Variants in TPM4 observed in about 807,000 individuals in gnomAD.
TPM4 encodes the protein tropomyosin 4.
In TPM4, 17 loss-of-function variants were observed where a neutral mutation model predicts 35.8. The observed-to-expected ratio is 0.47, with a 90% CI of 0.32 to 0.71. The LOEUF is 0.71. Ranked by LOEUF, TPM4 falls within the 30% of genes least tolerant of loss-of-function variation. The pLI is 0.03. For synonymous variants in TPM4, 120 were observed against 122.9 expected (o/e 0.98, Z 0.15); for missense variants, 240 against 320.9 (o/e 0.75, Z 1.93).
At position 16,095,420 on chromosome 19, in the gene TPM4, C is replaced by T. The variant is rs533509370; in HGVS notation, c.664+1667C>T. 1.7e-5 allele frequency: 18 copies of T among 1,030,114 alleles called. No homozygotes were observed. The East Asian group carries it at 8.5e-4, about 49-fold the overall frequency. The allele number at this position is 1,030,114 out of a possible 1,614,324, so 63.8% of individuals were successfully genotyped here. On this transcript the variant is annotated intron_variant, in intron 7 of 7. Transcript: ENST00000643579. Reference sequence around the variant, plus strand: ...CGCCCCTGTGGGCTTCTAGGAGCTCCGGTGGCCTGCCTTCTGGTTTGAACG... The same window carrying T: ...CGCCCCTGTGGGCTTCTAGGAGCTCTGGTGGCCTGCCTTCTGGTTTGAACG...
At chr19:16,082,713 C>T (rs78456680) in intron 2 of TPM4, among the ~76,000 whole-genome samples, 2,840 of 152,084 alleles carry the variant, frequency 0.019, 84 homozygotes, top group African/African-American at 0.065. Flanking sequence ...TCAGGTAGGC[C>T]GGATGCAGTG....
At chr19:16,099,630 T>A (rs2090741499) in intron 7 of TPM4, 1 of 152,128 alleles carries the variant, frequency 6.6e-6, no homozygotes, top group Admixed American at 6.6e-5. Context: ...GTCATTTTTT[T>A]CTTTCTGTAA....
Position 16,088,089 on chromosome 19 carries a change from G to T in TPM4, c.447G>T (p.Val149=), listed in dbSNP as rs1269340188. The change falls in exon 4 of 8, where the codon GTG becomes GTT. Residue 149 remains valine, a synonymous_variant. Transcript: ENST00000643579. ...ELERAEERAE[V]SELKCGDLEE... Reference sequence around the variant, plus strand: ...AGAGGGCAGAGGAGCGTGCGGAGGTGTCTGAACTGTGAGTGGCAGAACAGG... The same window carrying T: ...AGAGGGCAGAGGAGCGTGCGGAGGTTTCTGAACTGTGAGTGGCAGAACAGG... 1 of 1,611,560 alleles carries T rather than the reference G, an allele frequency of 6.2e-7. No homozygotes were observed. The highest frequency in any genetic ancestry group is 1.3e-5 in the African/African-American group (1 of 75,006).
intron 7 of TPM4, among the ~76,000 whole-genome samples, 199 bp downstream of exon 7, chr19:16,093,952 C>CTTTTTTTTTTTTTTT (rs35095689): frequency 1.8e-5 from 2 of 108,792 alleles, no homozygotes; most frequent in Non-Finnish European, 3.6e-5. Context: ...TTGAATGGCC[C>CTTTTTTTTTTTTTTT]TTTTTTTTTT....
chr19:16,088,009 G>A lies in TPM4; in HGVS notation c.385-18G>A, dbSNP rs1323793507. On this transcript the variant is annotated intron_variant, in intron 3 of 7. Transcript: ENST00000643579. ...GCTGGTGGGGATCGGGCTCAGCTGG[G>A]CCTTTCTGTCTCTGCAGGTAGCTCG... is the stretch of plus-strand genomic sequence containing the variant. 6.2e-7 allele frequency: 1 copy of A among 1,605,248 alleles called. No homozygotes were observed. Among genetic ancestry groups the A allele is most frequent in the African/African-American group, 1.3e-5 (1 of 74,998 alleles).
chr19:16,083,271 C>T (rs1173028718), intron 2 of TPM4, among the ~76,000 whole-genome samples: 15 of 152,118 alleles, frequency 9.9e-5, no homozygotes, highest in Admixed American at 9.8e-4. Flanking sequence ...TGGTGAAACC[C>T]CGTCTCTATT....
intron 7 of TPM4, among the ~76,000 whole-genome samples, chr19:16,098,402 G>A (rs1467096688): frequency 6.6e-6 from 1 of 151,832 alleles, no homozygotes; most frequent in Non-Finnish European, 1.5e-5. Flanking sequence ...AGCCAAGGTC[G>A]AACCTTTGTA....
chr19:16,089,126 T>C lies in TPM4; in HGVS notation c.531+6T>C. 1 of 1,613,178 alleles carries C rather than the reference T, an allele frequency of 6.2e-7. No homozygotes were observed. Among genetic ancestry groups the C allele is most frequent in the Non-Finnish European group, 8.5e-7 (1 of 1,179,992 alleles). On this transcript the variant is annotated splice_donor_region_variant and intron_variant, in intron 5 of 7. Coordinates refer to ENST00000643579, the MANE Select transcript of TPM4 (RefSeq NM_003290.3). ...TGGAGGCTGCATCTGAAAAGGTAGG[T>C]GGTTGGCTTGAGCTGGAGGGTGGCT...
At chr19:16,089,269 G>A in intron 5 of TPM4, 149 bp downstream of exon 5, 1 of 985,076 alleles carries the variant, frequency 1.0e-6, no homozygotes, top group Non-Finnish European at 1.5e-6. Context: ...TTCCCCTACA[G>A]AAAGAGCTGG....
intron 5 of TPM4, 149 bp from the exon 6 acceptor site, chr19:16,093,387 G>A: frequency 1.3e-6 from 1 of 753,908 alleles, no homozygotes; most frequent in Non-Finnish European, 2.2e-6. Flanking sequence ...GTAGAGACGG[G>A]GTTTCACCAT....
At chr19:16,077,928 ATTT>A in intron 1 of TPM4, 2 of 293,706 alleles carry the variant, frequency 6.8e-6, no homozygotes, top group East Asian at 1.0e-4. Context: ...CGCCCAGCTA[ATTT>A]TTTTTTTTTT....
At chr19:16,068,684 C>T (rs1267136990) in intron 2 of TPM4, among the ~76,000 whole-genome samples, 3 of 151,868 alleles carry the variant, frequency 2.0e-5, no homozygotes, top group Non-Finnish European at 2.9e-5. Context: ...ATTCTCTGTG[C>T]GTGTATCTGT....
intron 7 of TPM4, chr19:16,095,230 C>G: frequency 8.8e-6 from 9 of 1,017,004 alleles, no homozygotes; most frequent in Non-Finnish European, 1.1e-5. Context: ...CCCTGTACTT[C>G]TGAACTGTCT....
At chr19:16,077,893 C>G (rs1365168026) in intron 1 of TPM4, 1 of 314,176 alleles carries the variant, frequency 3.2e-6, no homozygotes, top group African/African-American at 2.1e-5. Flanking sequence ...TCCCGAGTAG[C>G]TGGGATTACA....
intron 5 of TPM4, among the ~76,000 whole-genome samples, chr19:16,093,295 G>C (rs1439781819): frequency 6.6e-6 from 1 of 151,372 alleles, no homozygotes; most frequent in Non-Finnish European, 1.5e-5. Flanking sequence ...TCCCAGGTTC[G>C]AGTGAGTCTT....
chr19:16,096,936 C>CTTTTTTT (rs71178641), intron 7 of TPM4, among the ~76,000 whole-genome samples: 944 of 69,012 alleles, frequency 0.014, 223 homozygotes, highest in Middle Eastern at 0.02. Context: ...CAAGGTCACT[C>CTTTTTTT]TTTTTTTTTT....
Position 16,099,228 on chromosome 19 carries a change from C to T in TPM4, c.665-2036C>T, listed in dbSNP as rs577093989. On this transcript the variant is annotated intron_variant, in intron 7 of 7. Transcript: ENST00000643579. ...CTGTGTAGCTGGGATTACAGGTGTG[C>T]GCCACCACACCCGGCTAATTTTTTG... 9.9e-4 allele frequency among the ~76,000 whole-genome samples: 151 copies of T among 152,068 alleles called. 2 individuals are homozygous for T. The highest frequency in any genetic ancestry group is 3.3e-3 in the African/African-American group (139 of 41,520).
At chr19:16,080,950 G>A (rs753864626) in intron 1 of TPM4, 18 of 398,224 alleles carry the variant, frequency 4.5e-5, no homozygotes, top group African/African-American at 3.3e-4. Context: ...ACACTATTGG[G>A]GTATGTCTTC....
intron 2 of TPM4, among the ~76,000 whole-genome samples, chr19:16,082,465 C>T (rs954889744): frequency 2.6e-5 from 4 of 152,178 alleles, no homozygotes; most frequent in African/African-American, 7.2e-5. Context: ...GAGCCGAGAT[C>T]GTGCCATTGC....
Sources: allele counts gnomAD v4.1 joint callset (sites outside exome capture counted in the v4.1 genomes callset), GRCh38; gene constraint gnomAD v4.1.1; transcripts MANE v1.5; gene names NCBI Gene and HGNC (gene_info 2026-07-23, HGNC 2026-07-21).